GRIK1: variants seen among roughly 807,000 people sequenced by gnomAD.
The protein encoded by GRIK1 is glutamate receptor ionotropic, kainate 1.
A neutral mutation model predicts 105.7 loss-of-function variants in GRIK1; 69 were observed. The observed-to-expected ratio is 0.65, with a 90% CI of 0.54 to 0.80. GRIK1 has a LOEUF of 0.80. Ranked by LOEUF, GRIK1 falls within the 30% of genes least tolerant of loss-of-function variation. The pLI is 0.00. For missense variants in GRIK1, 1,109 were observed against 1,167.3 expected (o/e 0.95, Z 0.73); for synonymous variants, 438 against 431.3 (o/e 1.02, Z -0.19).
At chr21:29,853,178 T>C (rs905522823) in intron 1 of GRIK1, among the ~76,000 whole-genome samples, 2 of 152,222 alleles carry the variant, frequency 1.3e-5, no homozygotes, top group Admixed American at 6.5e-5. Context: ...AAAGTAACTA[T>C]GACATTTGTG....
chr21:29,587,964 CTTTTTTTT>C lies in GRIK1; in HGVS notation c.1570-383_1570-376del, dbSNP rs568648777. On this transcript the variant is annotated intron_variant, in intron 11 of 17. Coordinates refer to ENST00000327783, the MANE Select transcript of GRIK1 (RefSeq NM_001330994.2). Reference sequence around the variant, plus strand: ...GCTCTGAGCTGAAAACTTTAAAATTCTTTTTTTTTTTTTTTTTTTTTTTTTTGTGAGGC... The same window carrying C: ...GCTCTGAGCTGAAAACTTTAAAATTCTTTTTTTTTTTTTTTTTTGTGAGGC... Among the ~76,000 whole-genome samples the C allele has an allele frequency of 6.3e-4, 41 of 65,412 alleles. 1 individual carries two copies. Among genetic ancestry groups the C allele is most frequent in the African/African-American group, 1.4e-3 (22 of 15,206 alleles). The allele number at this position is 65,412 out of a possible 152,430, so 42.9% of individuals were successfully genotyped here. A position where few individuals can be genotyped will look rare whatever the true frequency, so the allele number is the denominator to read the frequency against.
chr21:29,733,394 G>A (rs2064690612), intron 1 of GRIK1, among the ~76,000 whole-genome samples: 1 of 151,790 alleles, frequency 6.6e-6, no homozygotes, highest in South Asian at 2.1e-4. Context: ...CTATATTCTA[G>A]CTATATGAAC....
At chr21:29,805,817 G>C (rs1349470524) in intron 1 of GRIK1, among the ~76,000 whole-genome samples, 4 of 152,084 alleles carry the variant, frequency 2.6e-5, no homozygotes, top group Non-Finnish European at 5.9e-5. Flanking sequence ...GACCAGAGTT[G>C]GCAAGGGAAA....
chr21:29,903,570 A>T (rs1379037356), intron 1 of GRIK1, among the ~76,000 whole-genome samples: 1 of 152,222 alleles, frequency 6.6e-6, no homozygotes, highest in African/African-American at 2.4e-5. Flanking sequence ...TGCAAATCAA[A>T]ACCACAATGA....
intron 1 of GRIK1, among the ~76,000 whole-genome samples, chr21:29,870,969 G>A (rs577333128): frequency 1.3e-5 from 2 of 152,102 alleles, no homozygotes; most frequent in African/African-American, 4.8e-5. Context: ...CTGACTTGCA[G>A]CTCTCAAGTT....
At chr21:29,846,303 G>A (rs1450606134) in intron 1 of GRIK1, among the ~76,000 whole-genome samples, 1 of 151,254 alleles carries the variant, frequency 6.6e-6, no homozygotes, top group African/African-American at 2.4e-5. Flanking sequence ...CAGGAGAATC[G>A]CTTGAAGCCG....
At chr21:29,557,968 T>C (rs1441532755) in intron 15 of GRIK1, among the ~76,000 whole-genome samples, 1 of 152,210 alleles carries the variant, frequency 6.6e-6, no homozygotes, top group Non-Finnish European at 1.5e-5. Context: ...GGCTGCGCAA[T>C]ACCTAAAACA....
Position 29,673,175 on chromosome 21 carries a change from A to G in GRIK1, c.545-11T>C, listed in dbSNP as rs1414412360. The stretch of plus-strand genomic sequence containing the variant: ...GTAGACGAATTAGACCTAGAAAATG[A>G]CATGCAATCATGCAATGGAGACTGT... On this transcript the variant is annotated splice_polypyrimidine_tract_variant and intron_variant, in intron 3 of 17. Coordinates refer to ENST00000327783, the MANE Select transcript of GRIK1 (RefSeq NM_001330994.2). 1.9e-6 allele frequency: 3 copies of G among 1,579,352 alleles called. No homozygotes were observed. Among genetic ancestry groups the G allele is most frequent in the East Asian group, 2.2e-5 (1 of 44,726 alleles).
intron 1 of GRIK1, among the ~76,000 whole-genome samples, chr21:29,730,310 A>C (rs2064581225): frequency 6.6e-6 from 1 of 152,162 alleles, no homozygotes; most frequent in Non-Finnish European, 1.5e-5. Flanking sequence ...TTCCCTTCTG[A>C]GAGGTAGGTA....
intron 1 of GRIK1, among the ~76,000 whole-genome samples, chr21:29,702,207 C>G (rs1327773988): frequency 6.6e-6 from 1 of 152,094 alleles, no homozygotes; most frequent in African/African-American, 2.4e-5. Flanking sequence ...AGGCTTAATA[C>G]TTGGGTGATG....
intron 1 of GRIK1, among the ~76,000 whole-genome samples, chr21:29,793,885 C>T (rs1242422447): frequency 6.6e-6 from 1 of 152,202 alleles, no homozygotes; most frequent in Non-Finnish European, 1.5e-5. Flanking sequence ...GCATTCCACG[C>T]ACTTTGTTAA....
At chr21:29,736,561 GT>G in intron 1 of GRIK1, among the ~76,000 whole-genome samples, 1 of 151,938 alleles carries the variant, frequency 6.6e-6, no homozygotes, top group Admixed American at 6.5e-5. Flanking sequence ...TTAAGGATAT[GT>G]TTCATAAATT....
At chr21:29,691,254 T>C (rs1020979808) in intron 2 of GRIK1, among the ~76,000 whole-genome samples, 52 of 152,182 alleles carry the variant, frequency 3.4e-4, no homozygotes, top group Non-Finnish European at 6.6e-4. Flanking sequence ...GAGATTGCAG[T>C]GAACTGAGAT....
At chr21:29,937,981 A>T (rs143749770) in intron 1 of GRIK1, among the ~76,000 whole-genome samples, 68 of 152,352 alleles carry the variant, frequency 4.5e-4, no homozygotes, top group African/African-American at 1.6e-3. Flanking sequence ...GCACATTAAA[A>T]TTACCCATAG....
At chr21:29,628,620 T>C (rs949383878) in intron 7 of GRIK1, among the ~76,000 whole-genome samples, 2 of 152,218 alleles carry the variant, frequency 1.3e-5, no homozygotes, top group African/African-American at 4.8e-5. Flanking sequence ...GGTGGCTTGT[T>C]TTCTGAAATG....
At chr21:29,797,348 T>A (rs573181575) in intron 1 of GRIK1, among the ~76,000 whole-genome samples, 130 of 152,350 alleles carry the variant, frequency 8.5e-4, no homozygotes, top group African/African-American at 3.1e-3. Flanking sequence ...GGTTCTGAGA[T>A]GGAGGAGTTG....
At chr21:29,637,287 C>T (rs780761331) in intron 7 of GRIK1, among the ~76,000 whole-genome samples, 3 of 152,184 alleles carry the variant, frequency 2.0e-5, no homozygotes, top group Admixed American at 6.5e-5. Context: ...TTTCCAGATG[C>T]TTCAGTGCTT....
At chr21:29,894,566 C>G (rs1025694655) in intron 1 of GRIK1, among the ~76,000 whole-genome samples, 1 of 152,006 alleles carries the variant, frequency 6.6e-6, no homozygotes, top group Non-Finnish European at 1.5e-5. Flanking sequence ...TTTCCTAGTT[C>G]GCTGACTCAA....
At chr21:29,778,414 T>C (rs1003607144) in intron 1 of GRIK1, among the ~76,000 whole-genome samples, 1 of 152,306 alleles carries the variant, frequency 6.6e-6, no homozygotes, top group East Asian at 1.9e-4. Context: ...TCTAGCGCAG[T>C]TCCTTGCGGC....
Sources: allele counts gnomAD v4.1 joint callset (sites outside exome capture counted in the v4.1 genomes callset), GRCh38; gene constraint gnomAD v4.1.1; transcripts MANE v1.5; gene names NCBI Gene and HGNC (gene_info 2026-07-23, HGNC 2026-07-21).